SGMS1: variants seen among roughly 807,000 people sequenced by gnomAD.
The protein encoded by SGMS1 is sphingomyelin synthase 1, also known as phosphatidylcholine:ceramide cholinephosphotransferase 1.
A neutral mutation model predicts 46.2 loss-of-function variants in SGMS1; 13 were observed. That is an observed-to-expected ratio of 0.28 (90% CI 0.18 to 0.45). SGMS1 has a LOEUF of 0.45. SGMS1 is among the 20% of genes least tolerant of loss of function. The pLI is 1.00. For missense variants in SGMS1, 324 were observed against 519.9 expected, an observed-to-expected ratio of 0.62 and a Z score of 3.66; for synonymous variants, 203 against 187.8, an observed-to-expected ratio of 1.08 and a Z score of -0.66.
intron 6 of SGMS1, among the ~76,000 whole-genome samples, chr10:50,395,131 A>G (rs879607012): frequency 2.0e-5 from 3 of 152,162 alleles, no homozygotes; most frequent in Non-Finnish European, 4.4e-5. Context: ...CTCTCTGATC[A>G]TACTGATTTT....
intron 5 of SGMS1, among the ~76,000 whole-genome samples, chr10:50,444,000 G>A (rs181559001): frequency 3.6e-4 from 54 of 152,100 alleles, no homozygotes; most frequent in Middle Eastern, 3.4e-3. Flanking sequence ...AAACAGTAGT[G>A]CAAAGAAAAC....
intron 6 of SGMS1, among the ~76,000 whole-genome samples, chr10:50,363,691 C>A (rs1317873122): frequency 6.6e-6 from 1 of 152,166 alleles, no homozygotes; most frequent in Non-Finnish European, 1.5e-5. Flanking sequence ...CCCAGAATAA[C>A]TTGCAGGTTA....
intron 6 of SGMS1, among the ~76,000 whole-genome samples, chr10:50,361,055 A>G (rs560452091): frequency 1.3e-5 from 2 of 152,344 alleles, no homozygotes; most frequent in South Asian, 4.1e-4. Flanking sequence ...AGTAAAAGTA[A>G]TCCTGCATTC....
At chr10:50,603,406 A>G (rs1838666182) in intron 1 of SGMS1, among the ~76,000 whole-genome samples, 1 of 152,186 alleles carries the variant, frequency 6.6e-6, no homozygotes, top group South Asian at 2.1e-4. Flanking sequence ...TTTTCATTTA[A>G]CCATGATGCA....
intron 2 of SGMS1, among the ~76,000 whole-genome samples, chr10:50,548,834 T>C (rs781028655): frequency 6.6e-6 from 1 of 151,236 alleles, no homozygotes; most frequent in Non-Finnish European, 1.5e-5. Flanking sequence ...ATATCCAGAG[T>C]CTACAAGGAA....
chr10:50,582,690 G>A (rs1838445916), intron 2 of SGMS1, among the ~76,000 whole-genome samples: 2 of 152,176 alleles, frequency 1.3e-5, no homozygotes, highest in South Asian at 2.1e-4. Context: ...ATGTTTCTGG[G>A]GGCACCGTTC....
chr10:50,560,072 T>C (rs1838220555), intron 2 of SGMS1, among the ~76,000 whole-genome samples: 1 of 141,540 alleles, frequency 7.1e-6, no homozygotes, highest in African/African-American at 2.5e-5. Flanking sequence ...TAATATAATA[T>C]ATAGACATAT....
intron 5 of SGMS1, among the ~76,000 whole-genome samples, chr10:50,452,974 C>T (rs1837131102): frequency 6.6e-6 from 1 of 152,082 alleles, no homozygotes; most frequent in Non-Finnish European, 1.5e-5. Flanking sequence ...TTGATAGTGG[C>T]TACAGGCACC....
At chr10:50,378,818 A>C (rs1297937915) in intron 6 of SGMS1, among the ~76,000 whole-genome samples, 7 of 152,190 alleles carry the variant, frequency 4.6e-5, no homozygotes, top group African/African-American at 1.4e-4. Flanking sequence ...TTTTTAAGGA[A>C]TATCAAAACA....
chr10:50,477,687 C>T (rs561307375), intron 3 of SGMS1, among the ~76,000 whole-genome samples: 1 of 152,210 alleles, frequency 6.6e-6, no homozygotes, highest in Admixed American at 6.5e-5. Context: ...GGTGTGGTTT[C>T]TAATGGTTTA....
At chr10:50,610,132 C>T (rs1838735744) in intron 1 of SGMS1, among the ~76,000 whole-genome samples, 2 of 152,154 alleles carry the variant, frequency 1.3e-5, no homozygotes, top group Non-Finnish European at 2.9e-5. Flanking sequence ...GTGATGCCAG[C>T]GGTATCATTT....
chr10:50,609,087 C>T (rs1029128310), intron 1 of SGMS1, among the ~76,000 whole-genome samples: 2 of 152,022 alleles, frequency 1.3e-5, no homozygotes, highest in South Asian at 2.1e-4. Context: ...CAGGCTCAAG[C>T]GATCCTCCCA....
In SGMS1 at chr10:50,315,183, T is replaced by G. The variant is rs142008800; in HGVS notation, c.742-3768A>C. Among the ~76,000 whole-genome samples, 52 of 152,352 alleles carry G rather than the reference T, an allele frequency of 3.4e-4. No individual in the cohort carries two copies. In the East Asian group the frequency reaches 9.2e-3, roughly 27 times the overall value. ...GTGACTGTATAGTAAGTCTAGATTG[T>G]AAGCATATTCCTCTATTAAGAGAAA... On this transcript the variant is annotated intron_variant, in intron 8 of 10. Transcript: ENST00000361781.
At chr10:50,360,991 A>C (rs1026315077) in intron 6 of SGMS1, among the ~76,000 whole-genome samples, 11 of 152,238 alleles carry the variant, frequency 7.2e-5, no homozygotes, top group Middle Eastern at 3.2e-3. Context: ...CATATTCTAA[A>C]GCATACCCAC....
intron 2 of SGMS1, among the ~76,000 whole-genome samples, chr10:50,573,206 A>G (rs1838350922): frequency 6.6e-6 from 1 of 152,212 alleles, no homozygotes; most frequent in African/African-American, 2.4e-5. Context: ...CACTACTTCT[A>G]TTCAATATGG....
intron 6 of SGMS1, among the ~76,000 whole-genome samples, chr10:50,408,452 A>C (rs1317668321): frequency 2.7e-5 from 4 of 148,618 alleles, no homozygotes; most frequent in African/African-American, 7.7e-5. Flanking sequence ...AAAAAAAAAA[A>C]AAACAAAATA....
intron 7 of SGMS1, among the ~76,000 whole-genome samples, chr10:50,328,408 A>C (rs1462866885): frequency 1.3e-5 from 2 of 152,198 alleles, no homozygotes; most frequent in East Asian, 3.8e-4. Flanking sequence ...CAATCATTAT[A>C]ATCATACAGT....
At position 50,499,135 on chromosome 10, in the gene SGMS1, T is replaced by C. The variant is rs1837640332; in HGVS notation, c.-498+20696A>G. On this transcript the variant is annotated intron_variant, in intron 3 of 10. Transcript: ENST00000361781. Reference sequence around the variant, plus strand: ...CATGAGTATGCTACTATTCACTTTCTGAGAGGTAATTTTAATAATAGCAGC... The same window carrying C: ...CATGAGTATGCTACTATTCACTTTCCGAGAGGTAATTTTAATAATAGCAGC... Among the ~76,000 whole-genome samples, 3 of 152,198 alleles carry C rather than the reference T, an allele frequency of 2.0e-5. No homozygotes were observed. In the South Asian group the frequency reaches 6.2e-4, roughly 32 times the overall value.
At chr10:50,504,382 G>C (rs1237364150) in intron 3 of SGMS1, among the ~76,000 whole-genome samples, 1 of 152,192 alleles carries the variant, frequency 6.6e-6, no homozygotes, top group African/African-American at 2.4e-5. Flanking sequence ...GCTTTCTCAA[G>C]ATAGTTCCTA....
Sources: allele counts gnomAD v4.1 joint callset (sites outside exome capture counted in the v4.1 genomes callset), GRCh38; gene constraint gnomAD v4.1.1; transcripts MANE v1.5; gene names NCBI Gene and HGNC (gene_info 2026-07-23, HGNC 2026-07-21).